Variants in ZNF804A observed in about 807,000 individuals in gnomAD.
The protein encoded by ZNF804A is zinc finger protein 804A.
A neutral mutation model predicts 16.5 loss-of-function variants in ZNF804A; 2 were observed. That is an observed-to-expected ratio of 0.12 (90% CI 0.05 to 0.38). The LOEUF (loss-of-function observed/expected upper bound fraction) is 0.38. ZNF804A is among the 10% of genes least tolerant of loss of function. The pLI is 0.99. For synonymous variants in ZNF804A, 534 were observed against 489.6 expected (o/e 1.09, Z -1.20); for missense variants, 1,473 against 1,390.7 (o/e 1.06, Z -0.94).
intron 1 of ZNF804A, among the ~76,000 whole-genome samples, chr2:184,776,851 CATTA>C (rs1442764287): frequency 6.6e-6 from 1 of 151,490 alleles, no homozygotes; most frequent in Non-Finnish European, 1.5e-5. Flanking sequence ...CTGTTCCCCT[CATTA>C]ATTAATGAGT....
chr2:184,921,869 G>A (rs1287247874), intron 2 of ZNF804A, among the ~76,000 whole-genome samples: 1 of 151,986 alleles, frequency 6.6e-6, no homozygotes, highest in East Asian at 1.9e-4. Flanking sequence ...AATGTGTGGT[G>A]TTTGTCTTTC....
intron 1 of ZNF804A, among the ~76,000 whole-genome samples, chr2:184,846,869 T>C (rs1381006309): frequency 6.6e-6 from 1 of 152,084 alleles, no homozygotes; most frequent in African/African-American, 2.4e-5. Flanking sequence ...ATTGTCTTGA[T>C]GATAAGTATA....
intron 1 of ZNF804A, among the ~76,000 whole-genome samples, chr2:184,848,486 A>G (rs1002241137): frequency 1.3e-5 from 2 of 152,110 alleles, no homozygotes; most frequent in African/African-American, 4.8e-5. Context: ...ACAAAGATTA[A>G]AAAGTATTTC....
chr2:184,805,072 C>T (rs1694782189), intron 1 of ZNF804A, among the ~76,000 whole-genome samples: 1 of 152,140 alleles, frequency 6.6e-6, no homozygotes, highest in Non-Finnish European at 1.5e-5. Flanking sequence ...ACTGAGAGGA[C>T]ATTTTCCTTA....
intron 1 of ZNF804A, among the ~76,000 whole-genome samples, chr2:184,778,830 C>G (rs1319004673): frequency 6.6e-6 from 1 of 151,484 alleles, no homozygotes; most frequent in African/African-American, 2.4e-5. Context: ...ACTAAAATGA[C>G]CAGAGCTTCA....
chr2:184,709,399 ATATCTATC>A (rs1053028241), intron 1 of ZNF804A, among the ~76,000 whole-genome samples: 3 of 152,072 alleles, frequency 2.0e-5, no homozygotes, highest in Admixed American at 1.3e-4. Context: ...AATTAAATGA[ATATCTATC>A]TATCTATCTA....
In ZNF804A at chr2:184,668,938, C is replaced by T. The variant is rs552861941; in HGVS notation, c.111+69868C>T. Among the ~76,000 whole-genome samples the T allele has an allele frequency of 5.9e-5, 9 of 151,926 alleles. No individual in the cohort carries two copies. In the South Asian group the frequency reaches 1.9e-3, roughly 32 times the overall value. Reference sequence around the variant, plus strand: ...TAAGTTTCTTTCTTGGTCAGCAGAACATCTAAGTGACACCATTTTTGTATT... The same window carrying T: ...TAAGTTTCTTTCTTGGTCAGCAGAATATCTAAGTGACACCATTTTTGTATT... On this transcript the variant is annotated intron_variant, in intron 1 of 3. Coordinates refer to ENST00000302277, the MANE Select transcript of ZNF804A (RefSeq NM_194250.2).
intron 2 of ZNF804A, among the ~76,000 whole-genome samples, chr2:184,888,462 A>G (rs1324599165): frequency 1.3e-5 from 2 of 152,192 alleles, no homozygotes; most frequent in African/African-American, 4.8e-5. Context: ...CCACTAAAGC[A>G]TCCACCTTGT....
chr2:184,675,761 A>G (rs994904567), intron 1 of ZNF804A, among the ~76,000 whole-genome samples: 2 of 151,774 alleles, frequency 1.3e-5, no homozygotes, highest in African/African-American at 4.8e-5. Flanking sequence ...GATCTCCAAC[A>G]TAGTACCTTG....
intron 2 of ZNF804A, among the ~76,000 whole-genome samples, chr2:184,868,997 A>T (rs1478538262): frequency 6.6e-6 from 1 of 152,034 alleles, no homozygotes; most frequent in Non-Finnish European, 1.5e-5. Context: ...TGAAATCCAA[A>T]ATGCTCTAAA....
rs142881353 is a variant in ZNF804A, at chr2:184,637,347, G to T, written c.111+38277G>T. Among the ~76,000 whole-genome samples the T allele has an allele frequency of 1.2e-4, 19 of 152,142 alleles. No homozygotes were observed. In the East Asian group the frequency reaches 3.7e-3, roughly 29 times the overall value. On this transcript the variant is annotated intron_variant, in intron 1 of 3. Transcript: ENST00000302277. Reference sequence around the variant, plus strand: ...GAGCATTATTTTAAAAATGCACAATGTTTACATTGAAAACTTGGTACTCTC... The same window carrying T: ...GAGCATTATTTTAAAAATGCACAATTTTTACATTGAAAACTTGGTACTCTC...
intron 2 of ZNF804A, among the ~76,000 whole-genome samples, chr2:184,931,095 G>A (rs2105841336): frequency 6.6e-6 from 1 of 152,298 alleles, no homozygotes; most frequent in African/African-American, 2.4e-5. Flanking sequence ...ACTATCACTA[G>A]AACAGCACGG....
intron 1 of ZNF804A, among the ~76,000 whole-genome samples, chr2:184,739,488 G>T (rs6736519): frequency 6.6e-6 from 1 of 152,094 alleles, no homozygotes; most frequent in Non-Finnish European, 1.5e-5. Context: ...CTGCATCCTG[G>T]GTTCAAGCGA....
rs181476844 is a variant in ZNF804A at position 184,907,046 on chromosome 2, C to T, written c.256-26557C>T. ...ATGAAGAACTGAATCCTGCCAACAA[C>T]ATGAGTAAGCTCAGAAACAGATATT... is the stretch of plus-strand genomic sequence containing the variant. On this transcript the variant is annotated intron_variant, in intron 2 of 3. Transcript: ENST00000302277. 1.9e-3 allele frequency among the ~76,000 whole-genome samples: 289 copies of T among 152,304 alleles called. 1 individual carries two copies. Among genetic ancestry groups the T allele is most frequent in the African/African-American group, 6.6e-3 (276 of 41,562 alleles).
chr2:184,761,177 G>A (rs1421989059), intron 1 of ZNF804A, among the ~76,000 whole-genome samples: 2 of 152,060 alleles, frequency 1.3e-5, no homozygotes, highest in African/African-American at 4.8e-5. Flanking sequence ...GATAAAGCTG[G>A]TCTGTGATTT....
chr2:184,712,902 C>T (rs1693151644), intron 1 of ZNF804A, among the ~76,000 whole-genome samples: 1 of 151,534 alleles, frequency 6.6e-6, no homozygotes, highest in Non-Finnish European at 1.5e-5. Flanking sequence ...TTGATTTATT[C>T]CTGTATCATT....
intron 1 of ZNF804A, among the ~76,000 whole-genome samples, chr2:184,849,495 A>G (rs1361209637): frequency 6.6e-6 from 1 of 152,096 alleles, no homozygotes; most frequent in African/African-American, 2.4e-5. Flanking sequence ...GCTCAATGCC[A>G]CTAAACATCA....
At chr2:184,796,802 C>G (rs1018367920) in intron 1 of ZNF804A, among the ~76,000 whole-genome samples, 20 of 151,972 alleles carry the variant, frequency 1.3e-4, no homozygotes, top group African/African-American at 4.8e-4. Context: ...TTTGCTGTAT[C>G]CCAGAGGTTG....
chr2:184,922,817 C>G (rs562129526), intron 2 of ZNF804A, among the ~76,000 whole-genome samples: 12 of 152,208 alleles, frequency 7.9e-5, no homozygotes, highest in African/African-American at 2.9e-4. Flanking sequence ...ATTGAAGAGA[C>G]TGTCATTTCC....
Sources: gnomAD v4.1 joint callset for allele counts (sites outside exome capture counted in the v4.1 genomes callset) on GRCh38, gnomAD v4.1.1 for gene constraint, MANE v1.5 for transcripts, NCBI Gene and HGNC (gene_info 2026-07-23, HGNC 2026-07-21) for gene names.